NEGR1: variants seen among roughly 807,000 people sequenced by gnomAD.
NEGR1 encodes the protein neuronal growth regulator 1, also known as IgLON family member 4.
NEGR1 carries 10 observed loss-of-function variants against 40.9 expected under a neutral mutation model. The observed-to-expected ratio is 0.24, with a 90% confidence interval of 0.15 to 0.42. The LOEUF (loss-of-function observed/expected upper bound fraction) is 0.42. Ranked by LOEUF, NEGR1 falls within the 10% of genes least tolerant of loss-of-function variation. NEGR1 has a pLI of 1.00. For synonymous variants in NEGR1, 185 were observed against 166.8 expected, an observed-to-expected ratio of 1.11 and a Z score of -0.84; for missense variants, 352 against 438.9, an observed-to-expected ratio of 0.80 and a Z score of 1.77.
intron 4 of NEGR1, among the ~76,000 whole-genome samples, chr1:71,674,586 GCACACA>G (rs3220087): frequency 0.015 from 2,197 of 146,866 alleles, 19 homozygotes; most frequent in Non-Finnish European, 0.022. Context: ...TGCTGGGAGG[GCACACA>G]CACACACACA....
At chr1:71,597,472 C>CTCTCTGTGTGTGTGTGTGTGTG (rs756076229) in intron 5 of NEGR1, among the ~76,000 whole-genome samples, 19 of 31,330 alleles carry the variant, frequency 6.1e-4, no homozygotes, top group African/African-American at 1.4e-3. Flanking sequence ...CTCTCTCTCT[C>CTCTCTGTGTGTGTGTGTGTGTG]TGTGTGTGTG....
intron 1 of NEGR1, among the ~76,000 whole-genome samples, chr1:72,182,323 G>A (rs1652408375): frequency 6.6e-6 from 1 of 152,022 alleles, no homozygotes; most frequent in Admixed American, 6.6e-5. Flanking sequence ...GTGAAACCCT[G>A]TCTCTACTGA....
intron 4 of NEGR1, among the ~76,000 whole-genome samples, chr1:71,675,989 C>CTA (rs1419100290): frequency 6.6e-6 from 1 of 151,964 alleles, no homozygotes; most frequent in Non-Finnish European, 1.5e-5. Context: ...TATACAGATA[C>CTA]TAAACAGGTG....
chr1:71,481,566 G>T (rs1412284834), intron 6 of NEGR1, among the ~76,000 whole-genome samples: 1 of 151,798 alleles, frequency 6.6e-6, no homozygotes, highest in Non-Finnish European at 1.5e-5. Flanking sequence ...GCCAATTGGT[G>T]TTCTTTGGAG....
chr1:72,230,500 TTACAAACAGAAAACTAGA>T, intron 1 of NEGR1, among the ~76,000 whole-genome samples: 1 of 152,100 alleles, frequency 6.6e-6, no homozygotes, highest in Non-Finnish European at 1.5e-5. Flanking sequence ...CTGTTCCTCA[TTACAAACAGAAAACTAGA>T]CTTTGCTGAA....
chr1:71,923,965 G>T (rs1348217600), intron 2 of NEGR1, among the ~76,000 whole-genome samples: 2 of 151,364 alleles, frequency 1.3e-5, no homozygotes, highest in African/African-American at 4.9e-5. Context: ...CTGGAGTGCA[G>T]TGGCACGATC....
At chr1:72,097,498 C>T (rs1449882344) in intron 1 of NEGR1, among the ~76,000 whole-genome samples, 1 of 152,160 alleles carries the variant, frequency 6.6e-6, no homozygotes, top group Non-Finnish European at 1.5e-5. Flanking sequence ...CCAGGGTCAA[C>T]TTTACCCCCC....
At chr1:71,593,028 A>G (rs953589793) in intron 5 of NEGR1, 60 bp from the exon 6 acceptor site, 4 of 1,309,702 alleles carry the variant, frequency 3.1e-6, no homozygotes, top group African/African-American at 1.5e-5. Flanking sequence ...TCATTTTTTT[A>G]TCTTAGCTGG....
At chr1:71,655,426 G>C (rs1377327964) in intron 4 of NEGR1, among the ~76,000 whole-genome samples, 1 of 152,122 alleles carries the variant, frequency 6.6e-6, no homozygotes, top group African/African-American at 2.4e-5. Context: ...AAATTACATG[G>C]ACACATTTAC....
intron 1 of NEGR1, among the ~76,000 whole-genome samples, chr1:72,001,878 A>T (rs908307846): frequency 3.3e-5 from 5 of 151,970 alleles, no homozygotes; most frequent in Admixed American, 6.6e-5. Context: ...ATATCAAGAA[A>T]ACTATCCTCT....
At chr1:72,091,117 C>T (rs762113518) in intron 1 of NEGR1, among the ~76,000 whole-genome samples, 2 of 152,102 alleles carry the variant, frequency 1.3e-5, no homozygotes, top group Non-Finnish European at 2.9e-5. Flanking sequence ...TTCCAACCCT[C>T]TAGACATTTA....
chr1:71,567,658 C>T (rs750020028), intron 6 of NEGR1, among the ~76,000 whole-genome samples: 1 of 152,012 alleles, frequency 6.6e-6, no homozygotes, highest in African/African-American at 2.4e-5. Flanking sequence ...TAATTGATTT[C>T]TGTATTGTTC....
At chr1:71,448,222 C>A (rs2101323935) in intron 6 of NEGR1, among the ~76,000 whole-genome samples, 1 of 116,684 alleles carries the variant, frequency 8.6e-6, no homozygotes, top group African/African-American at 3.1e-5. Flanking sequence ...CTTGAAGTAC[C>A]TTCTCTGAGA....
chr1:71,703,844 T>TG (rs934466126), intron 3 of NEGR1, among the ~76,000 whole-genome samples: 58 of 151,480 alleles, frequency 3.8e-4, no homozygotes, highest in South Asian at 1.5e-3. Context: ...ATATAAATAT[T>TG]GGGGGGGGTC....
chr1:71,480,986 TGTTA>T (rs1646850467), intron 6 of NEGR1, among the ~76,000 whole-genome samples: 3 of 151,936 alleles, frequency 2.0e-5, no homozygotes, highest in African/African-American at 2.4e-5. Context: ...TTCTATTAAA[TGTTA>T]GTTCCTTTAT....
chr1:71,529,213 A>G (rs1647287833), intron 6 of NEGR1, among the ~76,000 whole-genome samples: 1 of 151,230 alleles, frequency 6.6e-6, no homozygotes, highest in Non-Finnish European at 1.5e-5. Context: ...CTGCCTATAG[A>G]CTAAAAATGG....
At chr1:71,902,349 T>C (rs1252907978) in intron 2 of NEGR1, among the ~76,000 whole-genome samples, 11 of 152,340 alleles carry the variant, frequency 7.2e-5, no homozygotes, top group Admixed American at 5.9e-4. Flanking sequence ...TGCATTTTAT[T>C]ATCCAAAAAA....
At chr1:71,904,324 C>A (rs1005255995) in intron 2 of NEGR1, among the ~76,000 whole-genome samples, 1 of 151,764 alleles carries the variant, frequency 6.6e-6, no homozygotes, top group Non-Finnish European at 1.5e-5. Context: ...CTATTATGTG[C>A]CAATTCCGCA....
chr1:71,511,662 G>A (rs1406397975), intron 6 of NEGR1, among the ~76,000 whole-genome samples: 1 of 152,164 alleles, frequency 6.6e-6, no homozygotes, highest in South Asian at 2.1e-4. Context: ...CATCTGATAG[G>A]AACTGCTTTT....
Sources: allele counts gnomAD v4.1 joint callset (sites outside exome capture counted in the v4.1 genomes callset), GRCh38; gene constraint gnomAD v4.1.1; transcripts MANE v1.5; gene names NCBI Gene and HGNC (gene_info 2026-07-23, HGNC 2026-07-21).